Variants in ACSBG2 observed in about 807,000 individuals in gnomAD.
The protein encoded by ACSBG2 is acyl-CoA synthetase bubblegum family member 2.
ACSBG2 carries 62 observed loss-of-function variants against 74.7 expected under a neutral mutation model. That is an observed-to-expected ratio of 0.83 (90% confidence interval 0.68 to 1.03). The LOEUF is 1.03. Among genes scored for constraint, ACSBG2 ranks in the 50% least tolerant of loss-of-function variants. The probability of loss-of-function intolerance (pLI) is 0.00; values close to 1 mark genes in which losing one functional copy is unlikely to be tolerated. For missense variants in ACSBG2, 730 were observed against 817.6 expected, an observed-to-expected ratio of 0.89 and a Z score of 1.31; for synonymous variants, 309 against 294.1, an observed-to-expected ratio of 1.05 and a Z score of -0.52.
rs777766952 is a variant in ACSBG2 at position 6,187,839 on chromosome 19, G to A, written c.1921G>A (p.Glu641Lys). 3 of 1,614,032 alleles carry A rather than the reference G, an allele frequency of 1.9e-6. No individual in the cohort carries two copies. The South Asian group carries it at 3.3e-5, about 18-fold the overall frequency. ...LEKDFSIYGG[E>K]LGPMMKLKRH... ...GAAGGACTTTTCCATCTATGGTGGA[G>A]AGCTAGGTGAGTGGCCATGACATTT... Residue 641 changes from glutamate to lysine, a missense_variant, in exon 13 of 15, where the codon GAG becomes AAG. Transcript: ENST00000588485.
intron 4 of ACSBG2, among the ~76,000 whole-genome samples, chr19:6,154,175 C>T (rs2089333361): frequency 1.3e-5 from 2 of 151,482 alleles, no homozygotes; most frequent in African/African-American, 4.9e-5. Flanking sequence ...AGTGGAACAC[C>T]TGAGGTCGGG....
At chr19:6,147,092 C>T (rs761964455) in intron 2 of ACSBG2, among the ~76,000 whole-genome samples, 27 of 150,504 alleles carry the variant, frequency 1.8e-4, no homozygotes, top group Non-Finnish European at 3.4e-4. Flanking sequence ...AGAGCAAGAC[C>T]GTGTCTCCAG....
intron 13 of ACSBG2, 147 bp from the exon 14 acceptor site, chr19:6,190,437 T>C (rs2090530352): frequency 1.6e-6 from 1 of 640,596 alleles, no homozygotes; most frequent in Non-Finnish European, 2.8e-6. Flanking sequence ...CCCATACAGA[T>C]GGCAAAAGTT....
intron 7 of ACSBG2, among the ~76,000 whole-genome samples, chr19:6,169,491 C>T (rs929334611): frequency 1.2e-4 from 18 of 152,228 alleles, no homozygotes; most frequent in African/African-American, 4.1e-4. Context: ...GTTACTATAG[C>T]CTTGTAGTAT....
intron 7 of ACSBG2, among the ~76,000 whole-genome samples, chr19:6,166,281 TGTG>T (rs955578598): frequency 1.6e-4 from 1 of 6,194 alleles, no homozygotes; most frequent in Non-Finnish European, 6.0e-4. Flanking sequence ...TCAGGAAGGT[TGTG>T]TGTGTGTGTG....
chr19:6,163,447 TA>T (rs576003730), intron 6 of ACSBG2, among the ~76,000 whole-genome samples: 82 of 29,152 alleles, frequency 2.8e-3, no homozygotes, highest in East Asian at 6.3e-3. Flanking sequence ...AGACTCCATC[TA>T]AAAAAAAAAA....
intron 4 of ACSBG2, among the ~76,000 whole-genome samples, chr19:6,154,351 T>C (rs534072635): frequency 6.8e-6 from 1 of 146,640 alleles, no homozygotes; most frequent in Non-Finnish European, 1.5e-5. Context: ...TGAGCCGAGA[T>C]CATGCCATTG....
At chr19:6,170,118 T>C (rs2089925296) in intron 7 of ACSBG2, among the ~76,000 whole-genome samples, 3 of 152,206 alleles carry the variant, frequency 2.0e-5, no homozygotes, top group South Asian at 4.1e-4. Flanking sequence ...TCTAGTACTA[T>C]GTTGAATAGC....
chr19:6,162,566 CAAAAAAAAAA>C (rs58138677), intron 6 of ACSBG2, among the ~76,000 whole-genome samples: 1 of 84,206 alleles, frequency 1.2e-5, no homozygotes, highest in African/African-American at 4.3e-5. Flanking sequence ...GACTCCGTCT[CAAAAAAAAAA>C]AAAAAAAAAA....
chr19:6,136,717 G>A (rs535595344), intron 1 of ACSBG2, among the ~76,000 whole-genome samples: 1 of 152,122 alleles, frequency 6.6e-6, no homozygotes, highest in Admixed American at 6.5e-5. Context: ...ATAACACAAA[G>A]CATATCTGTA....
rs373857691 is a variant in ACSBG2 at position 6,185,404 on chromosome 19, G to A, written c.1323-32G>A. On this transcript the variant is annotated intron_variant, in intron 10 of 14. Transcript: ENST00000588485. ...GCTGGGTGGCTGACTTTGTCCCTAT[G>A]AGCCTGTTTCTCTGCTTCTGTCCCC... is the stretch of plus-strand genomic sequence containing the variant. 165 of 1,611,562 alleles carry A rather than the reference G, an allele frequency of 1.0e-4. No individual in the cohort carries two copies. In the African/African-American group the frequency reaches 2.0e-3, roughly 19 times the overall value.
rs778104926 is a variant in ACSBG2 at position 6,187,416 on chromosome 19, G to A, written c.1674G>A (p.Thr558=). 32 of 1,614,022 alleles carry A rather than the reference G, an allele frequency of 2.0e-5. No individual in the cohort carries two copies. The highest frequency in any genetic ancestry group is 4.5e-5 in the East Asian group (2 of 44,900). ...DKLKFLSMLL[T]LKCEMNQMSG... ...TGAAGTTTCTGAGCATGTTGCTGAC[G>A]CTGAAGGTAACATGGGTTTGCTGTC... The change falls in exon 12 of 15, where the codon ACG becomes ACA. Residue 558 remains threonine, a synonymous_variant. Coordinates refer to ENST00000588485, the MANE Select transcript of ACSBG2 (RefSeq NM_030924.5).
At chr19:6,159,766 G>C (rs994148687) in intron 5 of ACSBG2, among the ~76,000 whole-genome samples, 4 of 152,136 alleles carry the variant, frequency 2.6e-5, no homozygotes. Context: ...TGCCTCCAAG[G>C]CTCCGCTGAT....
chr19:6,147,356 C>T (rs1398816518), intron 2 of ACSBG2, 90 bp from the exon 3 acceptor site: 1 of 1,023,764 alleles, frequency 9.8e-7, no homozygotes, highest in Non-Finnish European at 1.5e-6. Context: ...CTCTCAGCAC[C>T]TTAGGTCCAA....
At chr19:6,151,575 T>A in intron 3 of ACSBG2, 132 bp from the exon 4 acceptor site, 1 of 830,680 alleles carries the variant, frequency 1.2e-6, no homozygotes, top group Non-Finnish European at 1.9e-6. Flanking sequence ...CCTCCCAAAG[T>A]GCTAGGATTA....
intron 4 of ACSBG2, among the ~76,000 whole-genome samples, chr19:6,155,043 C>T (rs1371794296): frequency 6.6e-6 from 1 of 152,104 alleles, no homozygotes; most frequent in Non-Finnish European, 1.5e-5. Context: ...CAGTGCTTAG[C>T]AAATAGTATG....
Position 6,174,152 on chromosome 19 carries a change from G to A in ACSBG2, c.739-3077G>A, listed in dbSNP as rs2145190654. On this transcript the variant is annotated intron_variant, in intron 7 of 14. Coordinates refer to ENST00000588485, the MANE Select transcript of ACSBG2 (RefSeq NM_030924.5). The surrounding 1 kb of genome is among the most constrained non-coding windows in gnomAD (Gnocchi z 4.2). ...GGGTTTCACCACGTTGGCCAGGCTG[G>A]TCTCGAACTCCTGACCTCAGGTGAT... Among the ~76,000 whole-genome samples the A allele has an allele frequency of 6.6e-6, 1 of 152,216 alleles. No individual in the cohort carries two copies. The highest frequency in any genetic ancestry group is 2.4e-5 in the African/African-American group (1 of 41,528).
Position 6,172,238 on chromosome 19 carries a change from T to C in ACSBG2, c.739-4991T>C, listed in dbSNP as rs150602211. Among the ~76,000 whole-genome samples, 309 of 152,334 alleles carry C rather than the reference T, an allele frequency of 2.0e-3. 2 individuals carry two copies. The highest frequency in any genetic ancestry group is 6.8e-3 in the African/African-American group (283 of 41,570). On this transcript the variant is annotated intron_variant, in intron 7 of 14. Coordinates refer to ENST00000588485, the MANE Select transcript of ACSBG2 (RefSeq NM_030924.5). ...ATTGCTAGAGAACTGGTGAGATTCT[T>C]TGGAGGTGTTGAAACACTCTGGCTT...
chr19:6,158,873 G>C (rs2089514888), intron 5 of ACSBG2, among the ~76,000 whole-genome samples: 1 of 152,028 alleles, frequency 6.6e-6, no homozygotes, highest in Admixed American at 6.6e-5. Context: ...TTCCTGACTT[G>C]GTTCAGGAAG....
Sources: allele counts gnomAD v4.1 joint callset (sites outside exome capture counted in the v4.1 genomes callset), GRCh38; gene constraint gnomAD v4.1.1; non-coding constraint Gnocchi (gnomAD v3.1); transcripts MANE v1.5; gene names NCBI Gene and HGNC (gene_info 2026-07-23, HGNC 2026-07-21).